Variants in RAB3C observed in about 807,000 individuals in gnomAD.
RAB3C encodes the protein RAB3C, member RAS oncogene family.
In RAB3C, 17 loss-of-function variants were observed where a neutral mutation model predicts 26.4. That is an observed-to-expected ratio of 0.64 (90% CI 0.44 to 0.97). The LOEUF is 0.97. RAB3C is among the 50% of genes least tolerant of loss of function. RAB3C has a pLI of 0.00. For synonymous variants in RAB3C, 91 were observed against 95.9 expected, an observed-to-expected ratio of 0.95 and a Z score of 0.30; for missense variants, 242 against 281.9, an observed-to-expected ratio of 0.86 and a Z score of 1.01.
In RAB3C at chr5:58,823,550, A is replaced by C. The variant is rs140765174; in HGVS notation, c.372-1488A>C. On this transcript the variant is annotated intron_variant, in intron 3 of 4. Transcript: ENST00000282878. ...AATAAATAAATAAATAAAACAAAAA[A>C]GCTCATGTTGCTATACAAGAGAATC... is the stretch of plus-strand genomic sequence containing the variant. 426 of 174,324 alleles carry C rather than the reference A, an allele frequency of 2.4e-3. 2 individuals carry two copies. The highest frequency in any genetic ancestry group is 9.6e-3 in the African/African-American group (401 of 41,968). 10.8% of individuals were successfully genotyped at this position (174,324 alleles called of 1,614,324 possible).
At position 58,617,830 on chromosome 5, in the gene RAB3C, CTG is replaced by C; in HGVS notation, c.214_215del (p.Val72IlefsTer4). ...GTTGGGATCGATTTCAAAGTAAAAACTGTATTCAAAAATGAAAAGAGAATCAA... is the reference window on the plus strand; with the variant it reads ...GTTGGGATCGATTTCAAAGTAAAAACTATTCAAAAATGAAAAGAGAATCAA... On this transcript the variant is annotated frameshift_variant, in exon 2 of 5. Coordinates refer to ENST00000282878, the MANE Select transcript of RAB3C (RefSeq NM_138453.4). LOFTEE classifies it high-confidence loss of function. 4 of 1,612,594 alleles carry C rather than the reference CTG, an allele frequency of 2.5e-6. No homozygotes were observed. The highest frequency in any genetic ancestry group is 3.4e-6 in the Non-Finnish European group (4 of 1,178,988).
intron 1 of RAB3C, among the ~76,000 whole-genome samples, chr5:58,585,853 T>C (rs1414454801): frequency 2.6e-5 from 4 of 152,098 alleles, no homozygotes; most frequent in African/African-American, 9.7e-5. Flanking sequence ...TCCTTTCTAA[T>C]CTAAATAACC....
At chr5:58,827,960 C>T (rs1262656208) in intron 4 of RAB3C, among the ~76,000 whole-genome samples, 3 of 152,192 alleles carry the variant, frequency 2.0e-5, no homozygotes, top group African/African-American at 7.2e-5. Context: ...TTTTAAAAGT[C>T]ATTACCACAT....
intron 1 of RAB3C, among the ~76,000 whole-genome samples, chr5:58,584,165 T>C (rs560830520): frequency 6.6e-6 from 1 of 152,346 alleles, no homozygotes; most frequent in African/African-American, 2.4e-5. Flanking sequence ...AACCCACCTC[T>C]GCTGCCAAAC....
intron 2 of RAB3C, among the ~76,000 whole-genome samples, chr5:58,725,066 A>G (rs564969643): frequency 6.6e-6 from 1 of 151,728 alleles, no homozygotes; most frequent in Non-Finnish European, 1.5e-5. Context: ...TTTGCATATT[A>G]ATGGAGTTTG....
intron 3 of RAB3C, among the ~76,000 whole-genome samples, chr5:58,737,394 AATATATATATATATAT>A (rs55691242): frequency 0.02 from 754 of 38,228 alleles, 9 homozygotes; most frequent in Middle Eastern, 0.033. Flanking sequence ...CACCCTATGA[AATATATATATATATAT>A]ATATATATAT....
intron 4 of RAB3C, among the ~76,000 whole-genome samples, chr5:58,834,662 G>A (rs938752117): frequency 6.6e-6 from 1 of 152,200 alleles, no homozygotes; most frequent in Admixed American, 6.5e-5. Context: ...CACCTCTGAG[G>A]AGAAGCACTG....
chr5:58,807,973 C>T (rs1742980904), intron 3 of RAB3C, among the ~76,000 whole-genome samples: 2 of 152,074 alleles, frequency 1.3e-5, no homozygotes, highest in Non-Finnish European at 2.9e-5. Context: ...CACCTGTAAT[C>T]CCAGTGCTTT....
chr5:58,840,026 T>C (rs1355406286), intron 4 of RAB3C, among the ~76,000 whole-genome samples: 2 of 152,052 alleles, frequency 1.3e-5, no homozygotes, highest in Non-Finnish European at 1.5e-5. Context: ...TGTGACTTGA[T>C]GCTTTCTCTG....
At chr5:58,803,324 G>C (rs909861201) in intron 3 of RAB3C, among the ~76,000 whole-genome samples, 4 of 152,088 alleles carry the variant, frequency 2.6e-5, no homozygotes, top group Non-Finnish European at 5.9e-5. Flanking sequence ...TAAAATTTTA[G>C]GTTTGTGGTT....
chr5:58,745,251 A>T (rs1294826148), intron 3 of RAB3C, among the ~76,000 whole-genome samples: 1 of 151,930 alleles, frequency 6.6e-6, no homozygotes, highest in Non-Finnish European at 1.5e-5. Flanking sequence ...CAAAAAAATT[A>T]GCCGGGCATA....
At chr5:58,767,305 G>A (rs746242310) in intron 3 of RAB3C, among the ~76,000 whole-genome samples, 1 of 152,154 alleles carries the variant, frequency 6.6e-6, no homozygotes, top group Non-Finnish European at 1.5e-5. Flanking sequence ...GCTCTGAAAG[G>A]TGGGCTGAAA....
chr5:58,758,280 T>C (rs1741720068), intron 3 of RAB3C, among the ~76,000 whole-genome samples: 2 of 152,206 alleles, frequency 1.3e-5, no homozygotes, highest in South Asian at 4.1e-4. Flanking sequence ...CTATAAATTT[T>C]TTCCAATAGT....
intron 1 of RAB3C, among the ~76,000 whole-genome samples, chr5:58,590,516 G>A (rs1325652005): frequency 2.0e-5 from 3 of 151,364 alleles, no homozygotes; most frequent in Non-Finnish European, 4.4e-5. Context: ...GATTCTTAAG[G>A]TATAAATTTG....
At chr5:58,745,126 G>A (rs1047146700) in intron 3 of RAB3C, among the ~76,000 whole-genome samples, 2 of 151,944 alleles carry the variant, frequency 1.3e-5, no homozygotes, top group African/African-American at 4.8e-5. Context: ...GGCCGGGCGC[G>A]GTGGCTCACG....
At chr5:58,764,763 C>G (rs1487545328) in intron 3 of RAB3C, among the ~76,000 whole-genome samples, 1 of 152,114 alleles carries the variant, frequency 6.6e-6, no homozygotes, top group Non-Finnish European at 1.5e-5. Context: ...ATTTTTGCTT[C>G]CACACCTGAG....
chr5:58,696,102 T>C (rs1245396183), intron 2 of RAB3C, among the ~76,000 whole-genome samples: 1 of 152,246 alleles, frequency 6.6e-6, no homozygotes, highest in Non-Finnish European at 1.5e-5. Flanking sequence ...GTTCCATCAA[T>C]ACTTAGTTTA....
intron 4 of RAB3C, among the ~76,000 whole-genome samples, chr5:58,828,930 G>A (rs940207184): frequency 1.4e-4 from 19 of 140,114 alleles, no homozygotes; most frequent in Admixed American, 5.9e-4. Context: ...TTTGGATGGA[G>A]TCTCGTTCTG....
intron 2 of RAB3C, among the ~76,000 whole-genome samples, chr5:58,688,797 A>G (rs1229768637): frequency 6.6e-6 from 1 of 152,170 alleles, no homozygotes; most frequent in Non-Finnish European, 1.5e-5. Context: ...TGACACCTTA[A>G]TACTACTTAG....
Sources: allele counts gnomAD v4.1 joint callset (sites outside exome capture counted in the v4.1 genomes callset), GRCh38; gene constraint gnomAD v4.1.1; transcripts MANE v1.5; gene names NCBI Gene and HGNC (gene_info 2026-07-23, HGNC 2026-07-21).